MYO16: variants seen among roughly 807,000 people sequenced by gnomAD.
The protein encoded by MYO16 is myosin XVI.
In MYO16, 94 loss-of-function variants were observed where a neutral mutation model predicts 205.3. That is an observed-to-expected ratio of 0.46 (90% CI 0.39 to 0.54). The LOEUF (loss-of-function observed/expected upper bound fraction) is 0.54, where lower values mean the gene tolerates loss of function less well. MYO16 is among the 20% of genes least tolerant of loss of function. The pLI is 0.00. For synonymous variants in MYO16, 988 were observed against 954.0 expected (o/e 1.04, Z -0.66); for missense variants, 2,315 against 2,387.5 (o/e 0.97, Z 0.63).
chr13:108,699,210 A>C (rs540106908), intron 2 of MYO16, among the ~76,000 whole-genome samples: 31 of 151,612 alleles, frequency 2.0e-4, no homozygotes, highest in African/African-American at 6.8e-4. Context: ...TTACATATAT[A>C]CACATATATG....
chr13:108,859,217 A>C (rs573093641), intron 11 of MYO16, among the ~76,000 whole-genome samples: 9 of 152,268 alleles, frequency 5.9e-5, no homozygotes, highest in African/African-American at 1.9e-4. Context: ...GCCCATACCC[A>C]CTAGAATGCA....
At chr13:108,706,461 G>A (rs1207336423) in intron 2 of MYO16, among the ~76,000 whole-genome samples, 1 of 152,066 alleles carries the variant, frequency 6.6e-6, no homozygotes, top group Non-Finnish European at 1.5e-5. Flanking sequence ...ATGGTAATTC[G>A]GTTTTCAGAA....
At chr13:108,999,964 TC>T (rs1267071810) in intron 21 of MYO16, among the ~76,000 whole-genome samples, 3 of 152,240 alleles carry the variant, frequency 2.0e-5, no homozygotes, top group Non-Finnish European at 4.4e-5. Flanking sequence ...CATTGTTTTT[TC>T]CATAGTGGAA....
chr13:109,049,972 G>A (rs4773019), intron 24 of MYO16, among the ~76,000 whole-genome samples: 57,532 of 130,656 alleles, frequency 0.44, 13,974 homozygotes, highest in African/African-American at 0.5. Context: ...GTGTGTGTGT[G>A]TGTGTTTACT....
At chr13:109,060,185 A>T (rs151055385) in intron 27 of MYO16, among the ~76,000 whole-genome samples, 12 of 152,314 alleles carry the variant, frequency 7.9e-5, no homozygotes, top group African/African-American at 2.6e-4. Flanking sequence ...ACACATTCAC[A>T]TGTATGTTTA....
At chr13:108,902,097 C>T (rs1429680607) in intron 15 of MYO16, among the ~76,000 whole-genome samples, 5 of 152,122 alleles carry the variant, frequency 3.3e-5, no homozygotes, top group East Asian at 3.8e-4. Flanking sequence ...TCCCTTACCA[C>T]GTGGAAAGGG....
At chr13:108,772,559 A>G (rs1886001426) in intron 4 of MYO16, among the ~76,000 whole-genome samples, 1 of 152,080 alleles carries the variant, frequency 6.6e-6, no homozygotes, top group Non-Finnish European at 1.5e-5. Context: ...CTCAAATGCA[A>G]TGGGTGATCC....
chr13:109,106,719 T>A (rs1889131293), intron 28 of MYO16, among the ~76,000 whole-genome samples: 1 of 152,140 alleles, frequency 6.6e-6, no homozygotes, highest in Non-Finnish European at 1.5e-5. Context: ...ACACAGGCAC[T>A]CACACAGCAC....
At chr13:108,592,839 T>C (rs1399176660), upstream of MYO16, among the ~76,000 whole-genome samples, 1 of 151,756 alleles carries the variant, frequency 6.6e-6, no homozygotes, top group Non-Finnish European at 1.5e-5. Flanking sequence ...ATGATGACAA[T>C]TATTGCTTTC....
chr13:108,663,432 A>G (rs1032341359), intron 1 of MYO16, among the ~76,000 whole-genome samples: 2 of 152,142 alleles, frequency 1.3e-5, no homozygotes, highest in African/African-American at 4.8e-5. Flanking sequence ...TGCGCAATAA[A>G]TTTTCAGATT....
intron 20 of MYO16, among the ~76,000 whole-genome samples, chr13:108,989,905 G>A (rs1352433932): frequency 6.6e-6 from 1 of 152,088 alleles, no homozygotes; most frequent in East Asian, 1.9e-4. Flanking sequence ...CTATATAACA[G>A]CTATTTGTTT....
chr13:108,601,367 A>G (rs899896952), intron 1 of MYO16, among the ~76,000 whole-genome samples: 1 of 152,104 alleles, frequency 6.6e-6, no homozygotes, highest in Non-Finnish European at 1.5e-5. Context: ...ATCCCAATAG[A>G]TATTTTTAAA....
intron 27 of MYO16, among the ~76,000 whole-genome samples, chr13:109,100,037 G>T (rs891744944): frequency 2.0e-5 from 3 of 152,170 alleles, no homozygotes; most frequent in African/African-American, 7.2e-5. Flanking sequence ...ATAGATCTTT[G>T]CTCATTTCCT....
chr13:109,104,295 G>C (rs1889057949), intron 28 of MYO16, among the ~76,000 whole-genome samples: 2 of 152,126 alleles, frequency 1.3e-5, no homozygotes, highest in South Asian at 4.1e-4. Context: ...TTGATCAAAG[G>C]CACTTATACC....
At chr13:108,528,630 TCCC>T in the MYO16 span, among the ~76,000 whole-genome samples, 1 of 8,570 alleles carries the variant, frequency 1.2e-4, no homozygotes, top group Non-Finnish European at 2.4e-4. Flanking sequence ...CCTCTCCCCC[TCCC>T]CTCCTCTCCC....
chr13:108,855,681 T>C (rs1878132937), intron 11 of MYO16, 128 bp downstream of exon 11: 1 of 607,502 alleles, frequency 1.6e-6, no homozygotes, highest in South Asian at 3.1e-5. Context: ...TAGCTGAAGT[T>C]GAATTTCTTA....
chr13:108,798,713 T>TG (rs1886873309), intron 6 of MYO16, among the ~76,000 whole-genome samples: 1 of 138,808 alleles, frequency 7.2e-6, no homozygotes. Context: ...TTTTTTTTTT[T>TG]TTTGAGATGG....
intron 33 of MYO16, among the ~76,000 whole-genome samples, chr13:109,176,115 A>G (rs770164003): frequency 1.3e-5 from 2 of 152,214 alleles, no homozygotes; most frequent in Non-Finnish European, 2.9e-5. Context: ...GTTTCACTGC[A>G]TATTCTCTTT....
chr13:108,722,328 C>A (rs1207628437), intron 3 of MYO16, among the ~76,000 whole-genome samples: 2 of 152,150 alleles, frequency 1.3e-5, no homozygotes, highest in Admixed American at 6.5e-5. Context: ...GAAGAAAATT[C>A]TTTCTAGGGA....
Sources: gnomAD v4.1 joint callset for allele counts (sites outside exome capture counted in the v4.1 genomes callset) on GRCh38, gnomAD v4.1.1 for gene constraint, MANE v1.5 for transcripts, NCBI Gene and HGNC (gene_info 2026-07-23, HGNC 2026-07-21) for gene names.